The following SLC25A26 variants were observed in gnomAD, a reference collection of about 807,000 sequenced individuals.
SLC25A26 encodes the protein solute carrier family 25 member 26, also known as mitochondrial S-adenosylmethionine carrier protein.
A neutral mutation model predicts 37.8 loss-of-function variants in SLC25A26; 36 were observed. The ratio of observed to expected loss-of-function variants is 0.95; its 90% confidence interval spans 0.73 to 1.26. The LOEUF is 1.26. Ranked by LOEUF, SLC25A26 falls within the 50% of genes most tolerant of loss-of-function variation. The probability of loss-of-function intolerance (pLI) is 0.00; values close to 1 mark genes in which losing one functional copy is unlikely to be tolerated. For missense variants in SLC25A26, 390 were observed against 331.1 expected (o/e 1.18, Z -1.38); for synonymous variants, 129 against 122.5 (o/e 1.05, Z -0.35).
chr3:66,227,592 T>C (rs1184250949), intron 1 of SLC25A26, among the ~76,000 whole-genome samples: 2 of 152,312 alleles, frequency 1.3e-5, no homozygotes, highest in East Asian at 3.9e-4. Context: ...CATTGGGAGA[T>C]TCATGTTATT....
At chr3:66,334,917 G>T (rs1404012475) in intron 5 of SLC25A26, among the ~76,000 whole-genome samples, 1 of 151,932 alleles carries the variant, frequency 6.6e-6, no homozygotes, top group South Asian at 2.1e-4. Context: ...TTTATTAGCT[G>T]ATACTTATTT....
chr3:66,210,383 AAG>A (rs1452399618), intron 1 of SLC25A26, among the ~76,000 whole-genome samples: 1 of 152,150 alleles, frequency 6.6e-6, no homozygotes, highest in Non-Finnish European at 1.5e-5. Context: ...AAGCCACATT[AAG>A]TTGAACTGGA....
chr3:66,282,095 T>C (rs958769088), intron 5 of SLC25A26, among the ~76,000 whole-genome samples: 2 of 140,284 alleles, frequency 1.4e-5, no homozygotes, highest in African/African-American at 5.4e-5. Flanking sequence ...CACTGCAAGC[T>C]CCGCTTCCCA....
intron 3 of SLC25A26, among the ~76,000 whole-genome samples, chr3:66,247,878 C>T (rs1007414171): frequency 1.3e-5 from 2 of 151,818 alleles, no homozygotes; most frequent in Non-Finnish European, 2.9e-5. Context: ...TAAGAGAAAC[C>T]AACAGGTGAA....
At chr3:66,227,544 T>C (rs139974301) in intron 1 of SLC25A26, among the ~76,000 whole-genome samples, 220 of 152,344 alleles carry the variant, frequency 1.4e-3, no homozygotes, top group Non-Finnish European at 2.2e-3. Context: ...CAGTTACTCA[T>C]AGTTAATATG....
At chr3:66,141,160 A>G (rs1043059883) in intron 1 of SLC25A26, among the ~76,000 whole-genome samples, 1 of 151,500 alleles carries the variant, frequency 6.6e-6, no homozygotes, top group African/African-American at 2.4e-5. Flanking sequence ...AGTATTCTAT[A>G]GTGTTGCAAG....
chr3:66,159,385 A>T (rs1452717512), intron 1 of SLC25A26, among the ~76,000 whole-genome samples: 1 of 152,138 alleles, frequency 6.6e-6, no homozygotes, highest in African/African-American at 2.4e-5. Context: ...GGTGTTTTTC[A>T]TTACTGTTTT....
intron 6 of SLC25A26, among the ~76,000 whole-genome samples, chr3:66,357,892 T>C (rs1167715793): frequency 6.6e-6 from 1 of 152,230 alleles, no homozygotes; most frequent in East Asian, 1.9e-4. Context: ...TTACTATCTA[T>C]GTGACCTCAG....
chr3:66,257,062 G>T (rs1014040511), intron 3 of SLC25A26, among the ~76,000 whole-genome samples: 3 of 152,070 alleles, frequency 2.0e-5, no homozygotes, highest in African/African-American at 7.3e-5. Context: ...TGCTGTCAGG[G>T]TGCTTACAAT....
chr3:66,212,797 A>G (rs1447385124), intron 1 of SLC25A26, among the ~76,000 whole-genome samples: 2 of 152,118 alleles, frequency 1.3e-5, no homozygotes, highest in African/African-American at 4.8e-5. Context: ...TTTCATCCAC[A>G]TTGTAGCATG....
intron 5 of SLC25A26, among the ~76,000 whole-genome samples, chr3:66,344,352 A>G (rs1018834225): frequency 6.6e-6 from 1 of 151,908 alleles, no homozygotes; most frequent in Admixed American, 6.6e-5. Flanking sequence ...AATCCCAACT[A>G]CTCGGGAGGC....
At chr3:66,279,857 C>T (rs1047459559) in intron 5 of SLC25A26, among the ~76,000 whole-genome samples, 10 of 152,082 alleles carry the variant, frequency 6.6e-5, no homozygotes, top group Admixed American at 2.0e-4. Context: ...GTGAATTTTT[C>T]CATACTTCTG....
At chr3:66,295,405 G>GTTT (rs10672736) in intron 5 of SLC25A26, among the ~76,000 whole-genome samples, 22 of 120,976 alleles carry the variant, frequency 1.8e-4, no homozygotes, top group African/African-American at 5.6e-4. Flanking sequence ...TTGTATTTTT[G>GTTT]TTTTTTTTTT....
chr3:66,253,558 A>G (rs1054464857), intron 3 of SLC25A26, among the ~76,000 whole-genome samples: 13 of 152,242 alleles, frequency 8.5e-5, no homozygotes, highest in African/African-American at 3.1e-4. Flanking sequence ...CCACAAACCA[A>G]GGAGTGCAGG....
chr3:66,213,395 G>GAC (rs1576642743), intron 1 of SLC25A26, among the ~76,000 whole-genome samples: 2 of 59,920 alleles, frequency 3.3e-5, no homozygotes, highest in Non-Finnish European at 5.4e-5. Flanking sequence ...GCAAGACTCT[G>GAC]TCTCAAAAAA....
intron 5 of SLC25A26, among the ~76,000 whole-genome samples, chr3:66,332,884 C>T (rs916240252): frequency 6.6e-6 from 1 of 152,132 alleles, no homozygotes; most frequent in African/African-American, 2.4e-5. Context: ...AGATCTTTTT[C>T]AGGTGTTTTT....
chr3:66,311,123 T>C (rs2075364518), intron 5 of SLC25A26, among the ~76,000 whole-genome samples: 1 of 152,190 alleles, frequency 6.6e-6, no homozygotes, highest in Admixed American at 6.5e-5. Context: ...CACTTTCGGG[T>C]ACACCAATCA....
intron 3 of SLC25A26, among the ~76,000 whole-genome samples, chr3:66,253,358 C>T (rs140799371): frequency 0.045 from 6,817 of 149,896 alleles, 467 homozygotes; most frequent in African/African-American, 0.15. Context: ...TTGCAGATCG[C>T]GCCACTGCAC....
At chr3:66,196,123 T>TCG (rs2071040798) in intron 1 of SLC25A26, among the ~76,000 whole-genome samples, 1 of 151,660 alleles carries the variant, frequency 6.6e-6, no homozygotes, top group South Asian at 2.1e-4. Flanking sequence ...CATTAATTAC[T>TCG]ATCTTTAAGT....
Sources: gnomAD v4.1 joint callset for allele counts (sites outside exome capture counted in the v4.1 genomes callset) on GRCh38, gnomAD v4.1.1 for gene constraint, MANE v1.5 for transcripts, NCBI Gene and HGNC (gene_info 2026-07-23, HGNC 2026-07-21) for gene names.